Variants in MDN1 observed in about 807,000 individuals in gnomAD.
The protein encoded by MDN1 is midasin AAA ATPase 1.
MDN1 carries 266 observed loss-of-function variants against 669.2 expected under a neutral mutation model. The ratio of observed to expected loss-of-function variants is 0.40; its 90% CI spans 0.36 to 0.44. The LOEUF is 0.44. Among genes scored for constraint, MDN1 ranks in the 20% least tolerant of loss-of-function variants. The pLI is 1.00. For missense variants in MDN1, 5,940 were observed against 6,754.0 expected (o/e 0.88, Z 4.22); for synonymous variants, 2,385 against 2,457.1 (o/e 0.97, Z 0.87).
chr6:89,648,212 A>G (rs1327079596), intron 98 of MDN1, 44 bp downstream of exon 98: 1 of 1,608,640 alleles, frequency 6.2e-7, no homozygotes. Flanking sequence ...ATAACCAAAC[A>G]GGTTGTGAAA....
chr6:89,797,918 C>T (rs113819327), intron 2 of MDN1: 108 of 169,580 alleles, frequency 6.4e-4, no homozygotes, highest in African/African-American at 2.0e-3. Context: ...TGGTGGCTCA[C>T]GCCTGTAATC....
intron 2 of MDN1, chr6:89,797,639 G>T: frequency 2.1e-6 from 1 of 476,800 alleles, no homozygotes; most frequent in South Asian, 1.6e-5. Context: ...TGCAAGCCAT[G>T]AAGCATATGA....
chr6:89,683,737 ATTAAG>A, intron 72 of MDN1, 89 bp downstream of exon 72: 5 of 916,274 alleles, frequency 5.5e-6, no homozygotes, highest in Non-Finnish European at 8.8e-6. Context: ...CACACTTAAT[ATTAAG>A]TTAGGTTATG....
chr6:89,788,064 ACGT>A, intron 7 of MDN1, 107 bp from the exon 8 acceptor site: 1 of 964,074 alleles, frequency 1.0e-6, no homozygotes, highest in South Asian at 1.5e-5. Flanking sequence ...CTTAAAGGAA[ACGT>A]CAGCTCTCAT....
At chr6:89,756,211 G>C in intron 20 of MDN1, 66 bp downstream of exon 20, 1 of 701,652 alleles carries the variant, frequency 1.4e-6, no homozygotes, top group Non-Finnish European at 2.3e-6. Flanking sequence ...ATTTGTGTGT[G>C]TGCACGAGTA....
At position 89,692,945 on chromosome 6, in the gene MDN1, G is replaced by A. The variant is rs752330343; in HGVS notation, c.10085C>T (p.Ala3362Val). The change falls in exon 63 of 102, where the codon GCC becomes GTC. Residue 3362 changes from alanine (A) to valine (V), a missense_variant. Ala to Val is a moderately conservative substitution (Grantham distance 64). Around this residue, in one of 5 missense-constraint regions of MDN1, gnomAD observed 150 missense variants for 234.2 expected, o/e 0.64. Transcript: ENST00000369393. ...QALHIDGPRS[A>V]QVAQSLLKEE... Reference sequence around the variant, plus strand: ...CTTTAGAAGGCTCTGGGCTACTTGGGCAGACCGTGGCCCATCTATGTGGAG... The same window carrying A: ...CTTTAGAAGGCTCTGGGCTACTTGGACAGACCGTGGCCCATCTATGTGGAG... 2.5e-6 allele frequency: 4 copies of A among 1,614,144 alleles called. No homozygotes were observed. The East Asian group carries it at 8.9e-5, about 36-fold the overall frequency.
chr6:89,753,471 C>T (rs1817066690), intron 22 of MDN1, 41 bp downstream of exon 22: 1 of 1,452,988 alleles, frequency 6.9e-7, no homozygotes, highest in Non-Finnish European at 9.5e-7. Context: ...GGTAATTCAG[C>T]CTTTCAAGTG....
rs1415642146 is a variant in MDN1, at chr6:89,790,258, A to G, written c.999T>C (p.Cys333=). 1 of 1,614,194 alleles carries G rather than the reference A, an allele frequency of 6.2e-7. No homozygotes were observed. ...NAVLLEGPIG[C]GKTSLVEYLA... is the part of the protein sequence containing the mutation. ...AATATTCAACTAAGGAAGTTTTGCC[A>G]CATCCTATTGGTCCTTCCAACAACA... Residue 333 remains cysteine, a synonymous_variant, in exon 6 of 102, where the codon TGT becomes TGC. Coordinates refer to ENST00000369393, the MANE Select transcript of MDN1 (RefSeq NM_014611.3).
chr6:89,785,955 G>T (rs1232994162), intron 8 of MDN1, among the ~76,000 whole-genome samples: 1 of 150,610 alleles, frequency 6.6e-6, no homozygotes, highest in East Asian at 2.0e-4. Flanking sequence ...GCAACAAATT[G>T]AGGCCTCATC....
intron 15 of MDN1, among the ~76,000 whole-genome samples, chr6:89,769,364 AG>A: frequency 6.6e-6 from 1 of 152,218 alleles, no homozygotes; most frequent in Non-Finnish European, 1.5e-5. Context: ...TAGTAATATA[AG>A]AGTACAGAAA....
chr6:89,717,225 C>G (rs1814436182), intron 43 of MDN1, among the ~76,000 whole-genome samples: 1 of 152,218 alleles, frequency 6.6e-6, no homozygotes, highest in Non-Finnish European at 1.5e-5. Context: ...CTGGTAATTA[C>G]TTGCCAAATG....
chr6:89,682,128 G>T (rs1413775577), intron 73 of MDN1, among the ~76,000 whole-genome samples: 1 of 152,156 alleles, frequency 6.6e-6, no homozygotes, highest in Non-Finnish European at 1.5e-5. Context: ...GCCATAATAG[G>T]AGTATTTACA....
At chr6:89,668,908 A>C (rs1193124281) in intron 83 of MDN1, among the ~76,000 whole-genome samples, 1 of 152,256 alleles carries the variant, frequency 6.6e-6, no homozygotes, top group Non-Finnish European at 1.5e-5. Flanking sequence ...ATTTTTAACA[A>C]GCCAAACCCA....
chr6:89,778,805 G>A (rs1818479581), intron 11 of MDN1, among the ~76,000 whole-genome samples: 1 of 151,766 alleles, frequency 6.6e-6, no homozygotes, highest in African/African-American at 2.4e-5. Context: ...AGAATGGTGG[G>A]AACCTGGGAG....
chr6:89,738,386 T>C lies in MDN1; in HGVS notation c.4663A>G (p.Ile1555Val), dbSNP rs1816111206. 1 of 1,613,928 alleles carries C rather than the reference T, an allele frequency of 6.2e-7. No homozygotes were observed. The highest frequency in any genetic ancestry group is 1.1e-5 in the South Asian group (1 of 91,080). Residue 1555 changes from isoleucine to valine, a missense_variant, in exon 33 of 102, where the codon ATT (isoleucine) becomes GTT (valine). By Grantham distance (29) the Ile-to-Val change is conservative. Coordinates refer to ENST00000369393, the MANE Select transcript of MDN1 (RefSeq NM_014611.3). Reference sequence around the variant, plus strand: ...CGAAGATTATGACTGATGATCTGAATTAAATCTTCACGGCTTGTGCTTTGA... The same window carrying C: ...CGAAGATTATGACTGATGATCTGAACTAAATCTTCACGGCTTGTGCTTTGA... ...CPQSTSREDL[I>V]QIISHNLRPG...
chr6:89,688,678 A>G lies in MDN1; in HGVS notation c.11154T>C (p.His3718=). The change falls in exon 66 of 102, where the codon CAT becomes CAC. Residue 3718 remains histidine (H), a synonymous_variant. Coordinates refer to ENST00000369393, the MANE Select transcript of MDN1 (RefSeq NM_014611.3). ...KPDGPYDFYQ[H]PNVPEARQCQ... ...ACTGCCGTGCTTCTGGAACATTGGG[A>G]TGCTGGTAGAAGTCATAGGGCCCAT... is the stretch of plus-strand genomic sequence containing the variant. 2 of 1,614,148 alleles carry G rather than the reference A, an allele frequency of 1.2e-6. No individual in the cohort carries two copies. The highest frequency in any genetic ancestry group is 1.7e-6 in the Non-Finnish European group (2 of 1,180,012).
intron 35 of MDN1, 42 bp from the exon 36 acceptor site, chr6:89,729,181 A>C (rs771449401): frequency 1.3e-6 from 2 of 1,498,932 alleles, no homozygotes; most frequent in East Asian, 4.6e-5. Context: ...GCGGGACATC[A>C]TCAAATCACA....
In MDN1 at chr6:89,754,141, C is replaced by T. The variant is rs774420056; in HGVS notation, c.2906G>A (p.Arg969Gln). ...RPHYSLRTLC[R>Q]ALRFAASNPC... ...ATTGGAGGCTGCAAATCGCAGGGCC[C>T]GGCACAGAGTCCGAAGGCTGTAGTG... Residue 969 changes from arginine (R) to glutamine (Q), a missense_variant, in exon 21 of 102, where the codon CGG (arginine) becomes CAG (glutamine). By Grantham distance (43) the Arg-to-Gln change is conservative. Coordinates refer to ENST00000369393, the MANE Select transcript of MDN1 (RefSeq NM_014611.3). The T allele has an allele frequency of 1.2e-5, 19 of 1,613,954 alleles. No homozygotes were observed. The highest frequency in any genetic ancestry group is 1.1e-4 in the East Asian group (5 of 44,876).
intron 2 of MDN1, among the ~76,000 whole-genome samples, chr6:89,796,341 A>C (rs199750773): frequency 0.14 from 15,358 of 110,180 alleles, 1,189 homozygotes; most frequent in Middle Eastern, 0.22. Flanking sequence ...AAAAAAAAAA[A>C]AAAAAAAAAC....
Sources: gnomAD v4.1 joint callset for allele counts (sites outside exome capture counted in the v4.1 genomes callset) on GRCh38, gnomAD v4.1.1 for gene constraint, gnomAD v4.1.1 regional missense constraint, MANE v1.5 for transcripts, NCBI Gene and HGNC (gene_info 2026-07-23, HGNC 2026-07-21) for gene names.